ACCSL: variants seen among roughly 807,000 people sequenced by gnomAD.
ACCSL encodes the protein 1-aminocyclopropane-1-carboxylate synthase homolog (inactive) like.
A neutral mutation model predicts 61.7 loss-of-function variants in ACCSL; 55 were observed. The observed-to-expected ratio is 0.89, with a 90% CI of 0.72 to 1.12. The LOEUF (loss-of-function observed/expected upper bound fraction) is 1.12, where lower values mean the gene tolerates loss of function less well. Ranked by LOEUF, ACCSL falls within the 50% of genes most tolerant of loss-of-function variation. The probability of loss-of-function intolerance (pLI) is 0.00; values close to 1 mark genes in which losing one functional copy is unlikely to be tolerated. For missense variants in ACCSL, 632 were observed against 698.0 expected (o/e 0.91, Z 1.07); for synonymous variants, 258 against 264.3 (o/e 0.98, Z 0.23).
intron 1 of ACCSL, 64 bp from the exon 2 acceptor site, chr11:44,049,998 T>A (rs745318674): frequency 6.2e-7 from 1 of 1,605,330 alleles, no homozygotes; most frequent in African/African-American, 1.3e-5. Flanking sequence ...AACTAATGTT[T>A]CAAGGGATCT....
chr11:44,032,035 T>G, the ACCSL span, among the ~76,000 whole-genome samples: 1 of 152,304 alleles, frequency 6.6e-6, no homozygotes, highest in East Asian at 1.9e-4. Context: ...TCTGAGGGTT[T>G]TATTTCAAAT....
the ACCSL span, among the ~76,000 whole-genome samples, chr11:44,010,398 C>T: frequency 1.3e-5 from 2 of 152,290 alleles, no homozygotes; most frequent in Admixed American, 1.3e-4. Context: ...TTACTATGTA[C>T]AGGCATTACT....
the ACCSL span, among the ~76,000 whole-genome samples, chr11:43,991,329 C>T: frequency 6.6e-6 from 1 of 152,238 alleles, no homozygotes; most frequent in Admixed American, 6.5e-5. Flanking sequence ...AATGAGATCA[C>T]AGAAACCTGC....
chr11:43,977,346 G>C, the ACCSL span, among the ~76,000 whole-genome samples: 1 of 152,206 alleles, frequency 6.6e-6, no homozygotes, highest in Non-Finnish European at 1.5e-5. Flanking sequence ...TTATCTGAGT[G>C]TCCAATGTAG....
the ACCSL span, chr11:43,942,405 G>C: frequency 1.5e-5 from 3 of 205,654 alleles, no homozygotes; most frequent in East Asian, 1.8e-4. Flanking sequence ...CGCGTGCTCC[G>C]GGGCCGCGGC....
At chr11:43,950,418 T>G in the ACCSL span, among the ~76,000 whole-genome samples, 3 of 152,236 alleles carry the variant, frequency 2.0e-5, no homozygotes, top group Non-Finnish European at 4.4e-5. Context: ...CCACATAGAC[T>G]CTCATCCTTT....
chr11:43,991,085 A>G, the ACCSL span, among the ~76,000 whole-genome samples: 9 of 152,104 alleles, frequency 5.9e-5, no homozygotes, highest in Non-Finnish European at 1.3e-4. Flanking sequence ...AAGAAAAAAA[A>G]AAAAGTCTGA....
the ACCSL span, among the ~76,000 whole-genome samples, chr11:43,962,296 A>G: frequency 3.9e-5 from 6 of 152,246 alleles, no homozygotes; most frequent in Non-Finnish European, 5.9e-5. Flanking sequence ...CTCCTGCAAT[A>G]GCCAGAAAGG....
chr11:43,987,429 C>A, the ACCSL span, among the ~76,000 whole-genome samples: 2 of 152,148 alleles, frequency 1.3e-5, no homozygotes, highest in Non-Finnish European at 2.9e-5. Flanking sequence ...GAAGGTGTGG[C>A]GGGGGACGGG....
the ACCSL span, among the ~76,000 whole-genome samples, chr11:43,959,751 G>A: frequency 1.3e-5 from 2 of 152,204 alleles, no homozygotes; most frequent in African/African-American, 4.8e-5. Context: ...GGCAGGCAGG[G>A]TTTGTAGAGA....
chr11:44,034,121 T>C, the ACCSL span, among the ~76,000 whole-genome samples: 1 of 152,120 alleles, frequency 6.6e-6, no homozygotes, highest in Non-Finnish European at 1.5e-5. Flanking sequence ...GGGCGTCTAA[T>C]GCAAGCTGTG....
At chr11:44,039,612 C>T in the ACCSL span, among the ~76,000 whole-genome samples, 753 of 152,248 alleles carry the variant, frequency 4.9e-3, 3 homozygotes, top group South Asian at 6.8e-3. Context: ...AAAGAACTTA[C>T]TCATGTAACC....
the ACCSL span, among the ~76,000 whole-genome samples, chr11:44,007,641 C>T: frequency 6.6e-6 from 1 of 152,324 alleles, no homozygotes; most frequent in Admixed American, 6.5e-5. Context: ...AACCTTTCCT[C>T]TGCCTCTCAG....
the ACCSL span, among the ~76,000 whole-genome samples, chr11:44,002,494 G>A: frequency 6.6e-6 from 1 of 152,152 alleles, no homozygotes; most frequent in Non-Finnish European, 1.5e-5. Context: ...TTTTTAAGTC[G>A]TCTTGACACA....
At chr11:44,024,266 C>T in the ACCSL span, among the ~76,000 whole-genome samples, 3 of 152,152 alleles carry the variant, frequency 2.0e-5, no homozygotes, top group Admixed American at 1.3e-4. Context: ...TCACTGGCTC[C>T]CTTGTTTTCC....
the ACCSL span, among the ~76,000 whole-genome samples, chr11:43,976,046 G>A: frequency 6.6e-6 from 1 of 152,116 alleles, no homozygotes; most frequent in East Asian, 1.9e-4. Flanking sequence ...TGTATAGGGG[G>A]CAAGATAACT....
At chr11:43,995,957 A>G in the ACCSL span, among the ~76,000 whole-genome samples, 1 of 152,244 alleles carries the variant, frequency 6.6e-6, no homozygotes, top group Non-Finnish European at 1.5e-5. Flanking sequence ...AGATAAAGTC[A>G]TTAGGGTGGG....
At chr11:43,966,698 G>C in the ACCSL span, among the ~76,000 whole-genome samples, 20 of 152,114 alleles carry the variant, frequency 1.3e-4, no homozygotes, top group Non-Finnish European at 2.5e-4. Flanking sequence ...GCCACTCTTT[G>C]GTATTGAATA....
chr11:43,977,017 T>C, the ACCSL span, among the ~76,000 whole-genome samples: 1 of 152,208 alleles, frequency 6.6e-6, no homozygotes, highest in Non-Finnish European at 1.5e-5. Flanking sequence ...GTGCCTTGAA[T>C]GGAAATGGCC....
Sources: gnomAD v4.1 joint callset for allele counts (sites outside exome capture counted in the v4.1 genomes callset) on GRCh38, gnomAD v4.1.1 for gene constraint, MANE v1.5 for transcripts, NCBI Gene and HGNC (gene_info 2026-07-23, HGNC 2026-07-21) for gene names.